CHIT1: variants seen among roughly 807,000 people sequenced by gnomAD.
The protein encoded by CHIT1 is chitinase 1.
CHIT1 carries 47 observed loss-of-function variants against 52.0 expected under a neutral mutation model. That is an observed-to-expected ratio of 0.90 (90% CI 0.71 to 1.15). CHIT1 has a LOEUF of 1.15. Ranked by LOEUF, CHIT1 falls within the 50% of genes most tolerant of loss-of-function variation. The pLI is 0.00. For missense variants in CHIT1, 569 were observed against 583.0 expected (o/e 0.98, Z 0.25); for synonymous variants, 242 against 228.2 (o/e 1.06, Z -0.54).
chr1:203,217,917 A>G, intron 9 of CHIT1, 52 bp from the exon 10 acceptor site: 1 of 1,576,420 alleles, frequency 6.3e-7, no homozygotes, highest in African/African-American at 1.3e-5. Context: ...TGACCCGGCC[A>G]CCCCAGAGCC....
intron 9 of CHIT1, among the ~76,000 whole-genome samples, chr1:203,218,442 C>T (rs536119007): frequency 6.6e-6 from 1 of 152,290 alleles, no homozygotes; most frequent in South Asian, 2.1e-4. Flanking sequence ...TGATCCCTTG[C>T]TGGCCCCAGC....
chr1:203,216,621 A>T lies in CHIT1; in HGVS notation c.*268T>A, dbSNP rs1193705669. On this transcript the variant is annotated 3_prime_UTR_variant, in exon 11 of 11. Coordinates refer to ENST00000367229, the MANE Select transcript of CHIT1 (RefSeq NM_003465.3). ...TGGCTCTGACCTGCGGATGTTTTGGAGTCAACAGTGTGCTTAGAGAGCCTC... is the reference window on the plus strand; with the variant it reads ...TGGCTCTGACCTGCGGATGTTTTGGTGTCAACAGTGTGCTTAGAGAGCCTC... 1.8e-6 allele frequency: 1 copy of T among 545,676 alleles called. No individual in the cohort carries two copies. The highest frequency in any genetic ancestry group is 3.5e-6 in the Non-Finnish European group (1 of 287,422). The allele number at this position is 545,676 out of a possible 1,614,324, so 33.8% of individuals were successfully genotyped here.
rs371328957 is a variant in CHIT1 at position 203,216,932 on chromosome 1, C to G, written c.1358G>C (p.Gly453Ala). 3 of 1,614,114 alleles carry G rather than the reference C, an allele frequency of 1.9e-6. No homozygotes were observed. The highest frequency in any genetic ancestry group is 2.7e-5 in the African/African-American group (2 of 74,942). ...TTTGCAGGAGTTGCTGAACACCAGG[C>G]CTGTCGGGCAGCTTTGCTGGAACAG... is the stretch of plus-strand genomic sequence containing the variant. ...GRLFQQSCPTGLVFSNSCKCC... is the reference protein window; with the variant it reads ...GRLFQQSCPTALVFSNSCKCC... Residue 453 changes from glycine to alanine, a missense_variant, in exon 11 of 11, where the codon GGC becomes GCC. Transcript: ENST00000367229.
rs1656542963 is a variant in CHIT1 at position 203,216,750 on chromosome 1, A to C, written c.*139T>G. On this transcript the variant is annotated 3_prime_UTR_variant, in exon 11 of 11. Transcript: ENST00000367229. The stretch of plus-strand genomic sequence containing the variant: ...CAGAAAAAAGGAAGGCAAGGCTGAG[A>C]GCAGAAAGCCTGGATAAAGGAAGAC... 2.6e-6 allele frequency: 3 copies of C among 1,155,104 alleles called. No individual in the cohort carries two copies. In the South Asian group the frequency reaches 3.7e-5, roughly 14 times the overall value. The allele number at this position is 1,155,104 out of a possible 1,614,324, so 71.6% of individuals were successfully genotyped here. A position where few individuals can be genotyped will look rare whatever the true frequency, so the allele number is the denominator to read the frequency against.
upstream of CHIT1, chr1:203,229,778 GA>G (rs1558165269): frequency 1.2e-5 from 11 of 953,674 alleles, no homozygotes; most frequent in Non-Finnish European, 1.7e-5. Flanking sequence ...GCAGGGTGGG[GA>G]GGGGTAAGAT....
chr1:203,228,285 A>G (rs1303456294), intron 2 of CHIT1, among the ~76,000 whole-genome samples: 1 of 152,218 alleles, frequency 6.6e-6, no homozygotes, highest in Non-Finnish European at 1.5e-5. Context: ...CAGGAAAGGA[A>G]AGCCCTGAAA....
chr1:203,217,856 G>A lies in CHIT1; in HGVS notation c.1039C>T (p.Leu347=), dbSNP rs537102838. Reference sequence around the variant, plus strand: ...GCCCCGCCCAGTCCCTTCTGCTTCAGATAGCTGACCTGTGCAGGGAGGGGA... The same window carrying A: ...GCCCCGCCCAGTCCCTTCTGCTTCAAATAGCTGACCTGTGCAGGGAGGGGA... ...VESFKTKVSY[L]KQKGLGGAMV... is the part of the protein sequence containing the mutation. Residue 347 remains leucine, a synonymous_variant, in exon 10 of 11, where the codon CTG becomes TTG. Transcript: ENST00000367229. 5 of 1,136,076 alleles carry A rather than the reference G, an allele frequency of 4.4e-6. No individual in the cohort carries two copies. In the South Asian group the frequency reaches 8.8e-5, roughly 20 times the overall value. 70.4% of individuals were successfully genotyped at this position (1,136,076 alleles called of 1,614,324 possible).
chr1:203,224,880 A>G (rs2486963), intron 4 of CHIT1, among the ~76,000 whole-genome samples, 168 bp downstream of exon 4: 81,529 of 151,788 alleles, frequency 0.54, 22,615 homozygotes, highest in East Asian at 0.93. Context: ...CCTCCAGCTG[A>G]GGTGCCAAGA....
Position 203,216,314 on chromosome 1 carries a change from A to G in CHIT1, c.*575T>C, listed in dbSNP as rs1215929846. 2 of 453,956 alleles carry G rather than the reference A, an allele frequency of 4.4e-6. No individual in the cohort carries two copies. Among genetic ancestry groups the G allele is most frequent in the Admixed American group, 4.7e-5 (2 of 42,556 alleles). The allele number at this position is 453,956 out of a possible 1,614,324, so 28.1% of individuals were successfully genotyped here. On this transcript the variant is annotated 3_prime_UTR_variant, in exon 11 of 11. Coordinates refer to ENST00000367229, the MANE Select transcript of CHIT1 (RefSeq NM_003465.3). Reference sequence around the variant, plus strand: ...AGACCCCTGAGTACCAGGGGTCTGAATTCTTAGTGTAATGCTGAGTGGCTG... The same window carrying G: ...AGACCCCTGAGTACCAGGGGTCTGAGTTCTTAGTGTAATGCTGAGTGGCTG...
At chr1:203,220,863 C>T (rs1656708781) in intron 7 of CHIT1, among the ~76,000 whole-genome samples, 1 of 152,226 alleles carries the variant, frequency 6.6e-6, no homozygotes, top group South Asian at 2.1e-4. Flanking sequence ...CCCGGGCACA[C>T]TGTGTGGTGA....
intron 6 of CHIT1, among the ~76,000 whole-genome samples, chr1:203,222,733 TA>T (rs1558161004): frequency 6.6e-6 from 1 of 152,164 alleles, no homozygotes. Context: ...TGAGAGTCCA[TA>T]ATTCTAATGA....
chr1:203,223,537 C>A lies in CHIT1; in HGVS notation c.438G>T (p.Gly146=). ...DLDWEYPGSQ[G]SPAVDKERFT... is the part of the protein sequence containing the mutation. The stretch of plus-strand genomic sequence containing the variant: ...AGCGCTCCTTGTCTACGGCAGGGCT[C>A]CCCTGGCTTCCTGGGTACTCCCAGT... The change falls in exon 5 of 11, where the codon GGG becomes GGT. Residue 146 remains glycine, a synonymous_variant. Transcript: ENST00000367229. 1 of 1,614,208 alleles carries A rather than the reference C, an allele frequency of 6.2e-7. No homozygotes were observed. Among genetic ancestry groups the A allele is most frequent in the Non-Finnish European group, 8.5e-7 (1 of 1,180,032 alleles).
Position 203,217,822 on chromosome 1 carries a change from C to CAGACCATGGCCCCCCCCAGTCCCT in CHIT1, c.1072_1073insAGGGACTGGGGGGGGCCATGGTCT (p.Val357_Trp358insTer). The CAGACCATGGCCCCCCCCAGTCCCT allele has an allele frequency of 6.2e-7, 1 of 1,612,414 alleles. No homozygotes were observed. Among genetic ancestry groups the CAGACCATGGCCCCCCCCAGTCCCT allele is most frequent in the Non-Finnish European group, 8.5e-7 (1 of 1,179,260 alleles). On this transcript the variant is annotated stop_gained, in exon 10 of 11. Transcript: ENST00000367229. LOFTEE classifies it high-confidence loss of function. ...GGCAAAGTCATCTAAGTCCAGTGCC[C>CAGACCATGGCCCCCCCCAGTCCCT]AGACCATGGCCCCGCCCAGTCCCTT...
At chr1:203,222,368 G>A (rs1439205535) in intron 6 of CHIT1, 43 bp from the exon 7 acceptor site, 2 of 1,613,718 alleles carry the variant, frequency 1.2e-6, no homozygotes, top group Admixed American at 1.7e-5. Context: ...AAGGGATTGG[G>A]GGTGGGGTAG....
chr1:203,218,298 T>G (rs1656612654), intron 9 of CHIT1, among the ~76,000 whole-genome samples: 1 of 152,222 alleles, frequency 6.6e-6, no homozygotes, highest in Admixed American at 6.5e-5. Flanking sequence ...CTTGCTTCTC[T>G]GTCTTCATGT....
chr1:203,223,685 G>A lies in CHIT1; in HGVS notation c.315-25C>T, dbSNP rs146194192. The A allele has an allele frequency of 2.2e-4, 361 of 1,613,924 alleles. 4 individuals carry two copies. In the African/African-American group the frequency reaches 4.2e-3, roughly 19 times the overall value. The stretch of plus-strand genomic sequence containing the variant: ...CCTGTGAGGTGATGAAGGGGAGTAA[G>A]GGCCGGCCTTGGACCAGACAGGAGG... On this transcript the variant is annotated intron_variant, in intron 4 of 10. Coordinates refer to ENST00000367229, the MANE Select transcript of CHIT1 (RefSeq NM_003465.3).
intron 9 of CHIT1, 137 bp downstream of exon 9, chr1:203,219,079 C>G: frequency 1.4e-6 from 1 of 721,752 alleles, no homozygotes; most frequent in East Asian, 2.5e-5. Context: ...GTACAAAATA[C>G]TATCACGTGG....
At chr1:203,224,340 T>C (rs1417025945) in intron 4 of CHIT1, among the ~76,000 whole-genome samples, 1 of 152,210 alleles carries the variant, frequency 6.6e-6, no homozygotes, top group Admixed American at 6.5e-5. Context: ...GATCCTATTT[T>C]ATTTTTATTA....
In CHIT1 at chr1:203,217,461, A is replaced by G; in HGVS notation, c.1156+278T>C. ...GCTTTCTCCCAGGTAAGAGAGGAAC[A>G]AGGTGCTGCTCCCAGTCTGGGGGCC... On this transcript the variant is annotated intron_variant, in intron 10 of 10. Transcript: ENST00000367229. The G allele has an allele frequency of 3.0e-6, 4 of 1,314,268 alleles. No homozygotes were observed. The South Asian group carries it at 5.1e-5, about 17-fold the overall frequency. The allele number at this position is 1,314,268 out of a possible 1,614,324, so 81.4% of individuals were successfully genotyped here.
Sources: allele counts gnomAD v4.1 joint callset (sites outside exome capture counted in the v4.1 genomes callset), GRCh38; gene constraint gnomAD v4.1.1; transcripts MANE v1.5; gene names NCBI Gene and HGNC (gene_info 2026-07-23, HGNC 2026-07-21).